Variants in IFT52 observed in about 807,000 individuals in gnomAD.
IFT52 encodes intraflagellar transport 52.
IFT52 carries 44 observed loss-of-function variants against 54.4 expected under a neutral mutation model. The ratio of observed to expected loss-of-function variants is 0.81; its 90% CI spans 0.63 to 1.04. The LOEUF (loss-of-function observed/expected upper bound fraction) is 1.04, where lower values mean the gene tolerates loss of function less well. Ranked by LOEUF, IFT52 falls within the 50% of genes least tolerant of loss-of-function variation. IFT52 has a pLI of 0.00. For synonymous variants in IFT52, 181 were observed against 185.3 expected (o/e 0.98, Z 0.19); for missense variants, 452 against 523.6 (o/e 0.86, Z 1.33).
chr20:43,640,864 C>T (rs534149447), intron 12 of IFT52, among the ~76,000 whole-genome samples: 272 of 151,818 alleles, frequency 1.8e-3, no homozygotes, highest in Non-Finnish European at 3.1e-3. Flanking sequence ...GGTGAAACCC[C>T]GTCTCAAATA....
chr20:43,621,264 CAA>C (rs1984282514), intron 9 of IFT52, among the ~76,000 whole-genome samples: 3 of 152,156 alleles, frequency 2.0e-5, no homozygotes, highest in African/African-American at 7.2e-5. Context: ...CATAAAGAAA[CAA>C]AGAGTATCAG....
chr20:43,598,291 T>TG (rs1982161895), intron 3 of IFT52, among the ~76,000 whole-genome samples: 1 of 152,100 alleles, frequency 6.6e-6, no homozygotes, highest in South Asian at 2.1e-4. Flanking sequence ...TGCCAGGGCC[T>TG]GGGGGAGGTG....
intron 10 of IFT52, among the ~76,000 whole-genome samples, chr20:43,627,705 A>G (rs1211743090): frequency 1.3e-5 from 2 of 152,076 alleles, no homozygotes; most frequent in Non-Finnish European, 2.9e-5. Context: ...GCAAGAGACA[A>G]TGGGAAAGGG....
intron 2 of IFT52, 89 bp downstream of exon 2, chr20:43,594,906 A>G (rs1981814276): frequency 2.6e-6 from 2 of 783,606 alleles, no homozygotes; most frequent in South Asian, 1.5e-5. Context: ...GGTAACATAG[A>G]TTGTTTAGGT....
chr20:43,614,419 A>T (rs1385813322), intron 7 of IFT52, among the ~76,000 whole-genome samples: 1 of 151,926 alleles, frequency 6.6e-6, no homozygotes, highest in Non-Finnish European at 1.5e-5. Context: ...TATTTTTAGT[A>T]GAGACAGGGT....
Position 43,635,939 on chromosome 20 carries a change from C to T in IFT52, c.937C>T (p.Leu313=). The stretch of plus-strand genomic sequence containing the variant: ...TTATGAACACAGGGCTCACGAGCAG[C>T]TAAATGTGAAACATGAACCACTCCA... ...FHSVIEAHEQ[L]NVKHEPLQLI... is the part of the protein sequence containing the mutation. The change falls in exon 11 of 14, where the codon CTA becomes TTA. Residue 313 remains leucine (L), a synonymous_variant. Transcript: ENST00000373030. The T allele has an allele frequency of 6.2e-7, 1 of 1,614,160 alleles. No homozygotes were observed.
At chr20:43,621,025 A>C (rs1984261748) in intron 9 of IFT52, 100 bp downstream of exon 9, 3 of 826,946 alleles carry the variant, frequency 3.6e-6, no homozygotes, top group Non-Finnish European at 6.1e-6. Context: ...GTCTTAACTC[A>C]TCTGTAAGAC....
intron 10 of IFT52, among the ~76,000 whole-genome samples, chr20:43,628,711 C>A (rs1984932606): frequency 6.6e-6 from 1 of 152,046 alleles, no homozygotes; most frequent in South Asian, 2.1e-4. Flanking sequence ...ATCAGCCGAG[C>A]TTGGTGGTGC....
chr20:43,641,400 G>A (rs190299273), intron 12 of IFT52, among the ~76,000 whole-genome samples: 11 of 151,892 alleles, frequency 7.2e-5, no homozygotes, highest in African/African-American at 2.4e-4. Flanking sequence ...CACCACGCCC[G>A]GCTAATTTTG....
chr20:43,598,787 C>G (rs1249596227), intron 3 of IFT52, among the ~76,000 whole-genome samples: 1 of 151,956 alleles, frequency 6.6e-6, no homozygotes, highest in East Asian at 1.9e-4. Flanking sequence ...TTTTCACAGT[C>G]AATAAAACAA....
intron 6 of IFT52, among the ~76,000 whole-genome samples, chr20:43,606,592 T>G (rs1332715741): frequency 7.2e-6 from 1 of 139,018 alleles, no homozygotes; most frequent in Admixed American, 7.0e-5. Flanking sequence ...TGTGGTAGTA[T>G]TTTTTTTTTT....
chr20:43,629,065 G>A (rs1984969598), intron 10 of IFT52, among the ~76,000 whole-genome samples: 1 of 152,052 alleles, frequency 6.6e-6, no homozygotes. Flanking sequence ...CGGCAGAGTG[G>A]GCCCAGACAT....
At chr20:43,633,765 T>C (rs1985341170) in intron 10 of IFT52, among the ~76,000 whole-genome samples, 1 of 151,812 alleles carries the variant, frequency 6.6e-6, no homozygotes, top group African/African-American at 2.4e-5. Flanking sequence ...TTAATACCAA[T>C]CAAAAGAAAA....
intron 13 of IFT52, among the ~76,000 whole-genome samples, chr20:43,643,169 AAAAAC>A (rs1280776833): frequency 6.7e-6 from 1 of 149,336 alleles, no homozygotes; most frequent in African/African-American, 2.5e-5. Flanking sequence ...TGTCTCAAAA[AAAAAC>A]AAAAAAACAA....
intron 10 of IFT52, among the ~76,000 whole-genome samples, chr20:43,633,189 C>G (rs192356191): frequency 6.6e-6 from 1 of 151,450 alleles, no homozygotes; most frequent in Non-Finnish European, 1.5e-5. Context: ...ACTAAAAATA[C>G]AAAATTAGCC....
At chr20:43,616,885 C>G (rs1983900853) in intron 7 of IFT52, among the ~76,000 whole-genome samples, 1 of 151,958 alleles carries the variant, frequency 6.6e-6, no homozygotes, top group Admixed American at 6.6e-5. Flanking sequence ...TGGTGTTATG[C>G]TCCTGTAGTC....
intron 13 of IFT52, among the ~76,000 whole-genome samples, chr20:43,646,079 C>T (rs1158833162): frequency 4.0e-5 from 6 of 150,686 alleles, no homozygotes; most frequent in Admixed American, 6.6e-5. Flanking sequence ...CGCGTGGTGG[C>T]GGGCACCTGT....
chr20:43,600,708 C>A (rs575880911), intron 3 of IFT52, among the ~76,000 whole-genome samples: 243 of 152,242 alleles, frequency 1.6e-3, no homozygotes, highest in African/African-American at 5.2e-3. Flanking sequence ...CAGTAGCTTA[C>A]TCCTGTAATC....
At chr20:43,593,550 AT>A (rs1981695394) in intron 1 of IFT52, among the ~76,000 whole-genome samples, 1 of 152,142 alleles carries the variant, frequency 6.6e-6, no homozygotes, top group East Asian at 1.9e-4. Context: ...CATAAAATGA[AT>A]ACTGTGTAGC....
Sources: allele counts gnomAD v4.1 joint callset (sites outside exome capture counted in the v4.1 genomes callset), GRCh38; gene constraint gnomAD v4.1.1; transcripts MANE v1.5; gene names NCBI Gene and HGNC (gene_info 2026-07-23, HGNC 2026-07-21).